The following MTHFD1L variants were observed in gnomAD, a reference collection of about 807,000 sequenced individuals.
MTHFD1L encodes monofunctional C1-tetrahydrofolate synthase, mitochondrial.
MTHFD1L carries 81 observed loss-of-function variants against 119.5 expected under a neutral mutation model. The observed-to-expected ratio is 0.68, with a 90% CI of 0.57 to 0.82. The LOEUF is 0.82. MTHFD1L is among the 40% of genes least tolerant of loss of function. MTHFD1L has a pLI of 0.00. For missense variants in MTHFD1L, 1,125 were observed against 1,253.4 expected (o/e 0.90, Z 1.55); for synonymous variants, 430 against 475.2 (o/e 0.90, Z 1.24).
Position 150,866,229 on chromosome 6 carries a change from G to A in MTHFD1L, c.227+180G>A, listed in dbSNP as rs2128705163. The A allele has an allele frequency of 3.6e-6, 5 of 1,384,888 alleles. No homozygotes were observed. The South Asian group carries it at 4.6e-5, about 13-fold the overall frequency. The allele number at this position is 1,384,888 out of a possible 1,614,324, so 85.8% of individuals were successfully genotyped here. A position where few individuals can be genotyped will look rare whatever the true frequency, so the allele number is the denominator to read the frequency against. On this transcript the variant is annotated intron_variant, in intron 1 of 27. Transcript: ENST00000367321. ...GGGCTTGGGCACTGCGGCCGGGAGC[G>A]CTGGCGGAGAACGGGGGATCCAGTA...
chr6:151,033,799 A>T (rs1020962695), intron 24 of MTHFD1L, among the ~76,000 whole-genome samples: 1 of 152,146 alleles, frequency 6.6e-6, no homozygotes, highest in Non-Finnish European at 1.5e-5. Context: ...AATACTATGA[A>T]CCCGTATTCA....
chr6:150,919,077 C>T (rs1788462503), intron 9 of MTHFD1L, among the ~76,000 whole-genome samples: 1 of 151,090 alleles, frequency 6.6e-6, no homozygotes, highest in Non-Finnish European at 1.5e-5. Context: ...GCAGGAGGAT[C>T]GCTTGAACCC....
At chr6:150,966,757 A>G (rs1158404728) in intron 19 of MTHFD1L, among the ~76,000 whole-genome samples, 1 of 152,168 alleles carries the variant, frequency 6.6e-6, no homozygotes, top group Admixed American at 6.5e-5. Flanking sequence ...ACAGGAGGCG[A>G]AGATTACAGT....
intron 1 of MTHFD1L, among the ~76,000 whole-genome samples, chr6:150,871,659 G>A (rs1402600092): frequency 2.0e-5 from 3 of 150,514 alleles, no homozygotes; most frequent in Non-Finnish European, 4.4e-5. Context: ...CTGCCACCAC[G>A]CCTGGCTAAT....
At chr6:151,081,364 T>A (rs112722148) in intron 26 of MTHFD1L, among the ~76,000 whole-genome samples, 3 of 152,030 alleles carry the variant, frequency 2.0e-5, no homozygotes, top group Non-Finnish European at 4.4e-5. Context: ...GTAATTTTCC[T>A]GACTTGGGCT....
chr6:150,971,298 G>A (rs1208836003), intron 19 of MTHFD1L, among the ~76,000 whole-genome samples: 2 of 152,132 alleles, frequency 1.3e-5, no homozygotes, highest in Non-Finnish European at 2.9e-5. Flanking sequence ...CCAGGTTCAA[G>A]CTGTTCTTGT....
intron 26 of MTHFD1L, among the ~76,000 whole-genome samples, chr6:151,082,130 G>A (rs898745218): frequency 4.6e-5 from 7 of 152,164 alleles, no homozygotes; most frequent in African/African-American, 7.2e-5. Flanking sequence ...TTTTCCACAC[G>A]TAGTGGAGAT....
At chr6:150,956,568 G>A (rs1795673494) in intron 17 of MTHFD1L, among the ~76,000 whole-genome samples, 1 of 152,156 alleles carries the variant, frequency 6.6e-6, no homozygotes, top group African/African-American at 2.4e-5. Context: ...GAAAAATTAT[G>A]TCTGACTTCA....
Position 150,951,033 on chromosome 6 carries a change from G to GTTTTTTTTT in MTHFD1L, c.1726+1902_1726+1910dup, listed in dbSNP as rs562283052. On this transcript the variant is annotated intron_variant, in intron 16 of 27. Transcript: ENST00000367321. ...CTAAAATCTCCTTGGAAACTTTATG[G>GTTTTTTTTT]TTTTTTTTTTGTTTTTTTTTTGAGA... 1.6e-5 allele frequency among the ~76,000 whole-genome samples: 2 copies of GTTTTTTTTT among 125,924 alleles called. 1 individual carries two copies. The allele number at this position is 125,924 out of a possible 152,430, so 82.6% of individuals were successfully genotyped here.
intron 10 of MTHFD1L, among the ~76,000 whole-genome samples, chr6:150,925,585 GTAAA>G (rs1249156297): frequency 6.6e-6 from 1 of 152,166 alleles, no homozygotes; most frequent in Non-Finnish European, 1.5e-5. Context: ...ATTTTAGACT[GTAAA>G]TAGAGAGGGG....
chr6:151,069,831 T>A (rs1791758742), intron 26 of MTHFD1L, among the ~76,000 whole-genome samples: 1 of 152,160 alleles, frequency 6.6e-6, no homozygotes, highest in Non-Finnish European at 1.5e-5. Flanking sequence ...TTCAGAGTTC[T>A]CGGATTATAG....
intron 18 of MTHFD1L, among the ~76,000 whole-genome samples, chr6:150,962,366 T>A (rs1796572019): frequency 6.6e-6 from 1 of 152,250 alleles, no homozygotes; most frequent in Admixed American, 6.5e-5. Flanking sequence ...TAGTTACCTT[T>A]TTAAATAAAC....
chr6:150,905,594 C>G lies in MTHFD1L; in HGVS notation c.781-56C>G, dbSNP rs1023842011. On this transcript the variant is annotated intron_variant, in intron 7 of 27. Transcript: ENST00000367321. ...AGAACTCATTTGACATCAGTAGTTA[C>G]TTGTGTCTTTATGCCTCAGATCAAG... is the stretch of plus-strand genomic sequence containing the variant. The G allele has an allele frequency of 4.8e-5, 62 of 1,279,858 alleles. No individual in the cohort carries two copies. The Admixed American group carries it at 9.3e-4, about 19-fold the overall frequency. 79.3% of individuals were successfully genotyped at this position (1,279,858 alleles called of 1,614,324 possible).
intron 8 of MTHFD1L, among the ~76,000 whole-genome samples, chr6:150,914,017 C>T (rs1787422536): frequency 6.6e-6 from 1 of 152,220 alleles, no homozygotes; most frequent in African/African-American, 2.4e-5. Flanking sequence ...GTAGTCCCAG[C>T]TACATGGGAG....
intron 10 of MTHFD1L, among the ~76,000 whole-genome samples, chr6:150,923,537 A>ATTTATTTATTTTTTTTT (rs1254981530): frequency 9.2e-4 from 88 of 95,224 alleles, no homozygotes; most frequent in African/African-American, 4.1e-3. Flanking sequence ...TTATTTATTT[A>ATTTATTTATTTTTTTTT]TTTTTTCTTT....
intron 26 of MTHFD1L, among the ~76,000 whole-genome samples, chr6:151,068,277 T>A (rs970043872): frequency 6.6e-6 from 1 of 152,244 alleles, no homozygotes. Context: ...ACAGCCACAT[T>A]GTGATTTTGC....
intron 26 of MTHFD1L, chr6:151,041,739 A>G: frequency 2.0e-6 from 1 of 494,052 alleles, no homozygotes; most frequent in South Asian, 1.5e-5. Flanking sequence ...CGGGCTTTAT[A>G]ACAAAGGCAG....
chr6:150,877,597 T>G (rs1023323925), intron 2 of MTHFD1L, 37 bp from the exon 3 acceptor site: 1 of 1,609,820 alleles, frequency 6.2e-7, no homozygotes, highest in Non-Finnish European at 8.5e-7. Context: ...CTTTTCAAGC[T>G]ATTTTTATGT....
chr6:150,887,786 T>G (rs1029018971), intron 6 of MTHFD1L, 59 bp from the exon 7 acceptor site: 2 of 1,495,104 alleles, frequency 1.3e-6, no homozygotes, highest in African/African-American at 2.8e-5. Context: ...TAAGATAAAG[T>G]TCTTAAAGGA....
Sources: gnomAD v4.1 joint callset for allele counts (sites outside exome capture counted in the v4.1 genomes callset) on GRCh38, gnomAD v4.1.1 for gene constraint, MANE v1.5 for transcripts, NCBI Gene and HGNC (gene_info 2026-07-23, HGNC 2026-07-21) for gene names.